The following FEZ1 variants were observed in gnomAD, a reference collection of about 807,000 sequenced individuals.
FEZ1 encodes the protein fasciculation and elongation protein zeta 1, also known as fasciculation and elongation protein zeta-1.
A neutral mutation model predicts 49.3 loss-of-function variants in FEZ1; 20 were observed. The observed-to-expected ratio is 0.41, with a 90% confidence interval of 0.29 to 0.59. The LOEUF is 0.59. Ranked by LOEUF, FEZ1 falls within the 20% of genes least tolerant of loss-of-function variation. The pLI is 0.36. For missense variants in FEZ1, 413 were observed against 476.0 expected, an observed-to-expected ratio of 0.87 and a Z score of 1.23; for synonymous variants, 170 against 180.9, an observed-to-expected ratio of 0.94 and a Z score of 0.48.
At position 125,489,452 on chromosome 11, in the gene FEZ1, A is replaced by G. The variant is rs776144482; in HGVS notation, c.311+15T>C. On this transcript the variant is annotated intron_variant, in intron 2 of 9. Coordinates refer to ENST00000278919, the MANE Select transcript of FEZ1 (RefSeq NM_005103.5). The surrounding 1 kb of genome is among the most constrained non-coding windows in gnomAD (Gnocchi z 4.2). ...CTCTCGACTGAAGCAGGAGAGGGCA[A>G]TTAAGACTTCTTACTCCTCGTCCTG... The G allele has an allele frequency of 3.1e-5, 50 of 1,602,104 alleles. No individual in the cohort carries two copies. Among genetic ancestry groups the G allele is most frequent in the Non-Finnish European group, 3.9e-5 (46 of 1,174,772 alleles).
Position 125,444,796 on chromosome 11 carries a change from C to T in FEZ1, c.*1299G>A. ...AACCTAAATGCCAGCCTGACTCTAC[C>T]ACTTCCTACACAGCCTTGGGCGAGC... On this transcript the variant is annotated 3_prime_UTR_variant, in exon 10 of 10. Transcript: ENST00000278919. Among the ~76,000 whole-genome samples the T allele has an allele frequency of 6.6e-6, 1 of 152,186 alleles. No homozygotes were observed. The highest frequency in any genetic ancestry group is 1.9e-4 in the East Asian group (1 of 5,192).
At chr11:125,464,535 C>A (rs1433786828) in intron 3 of FEZ1, among the ~76,000 whole-genome samples, 1 of 152,190 alleles carries the variant, frequency 6.6e-6, no homozygotes, top group Non-Finnish European at 1.5e-5. Context: ...CGATTGGCCC[C>A]TTCCCTGGGG....
intron 3 of FEZ1, 109 bp downstream of exon 3, chr11:125,481,425 G>T: frequency 1.3e-6 from 1 of 788,380 alleles, no homozygotes; most frequent in Admixed American, 1.7e-5. Context: ...GAGATTACAG[G>T]CATGAGCCTC....
intron 4 of FEZ1, among the ~76,000 whole-genome samples, chr11:125,462,856 T>C (rs940167363): frequency 2.6e-5 from 4 of 151,692 alleles, no homozygotes; most frequent in Non-Finnish European, 4.4e-5. Context: ...GAAAATTAGC[T>C]GGGCATAGTG....
intron 2 of FEZ1, among the ~76,000 whole-genome samples, chr11:125,482,285 T>TC (rs1957288685): frequency 6.6e-6 from 1 of 152,188 alleles, no homozygotes; most frequent in South Asian, 2.1e-4. Context: ...GATCCTGCCC[T>TC]CTAACAATGT....
Position 125,496,181 on chromosome 11 carries a change from G to A in FEZ1, c.-106C>T, listed in dbSNP as rs1049084016. The stretch of plus-strand genomic sequence containing the variant: ...GGCTCAGCCGGACACCCCCATCCAC[G>A]GGCCGCGGGAGCGGCCGGAGCGCAG... On this transcript the variant is annotated 5_prime_UTR_variant, in exon 1 of 10. Transcript: ENST00000278919. The A allele has an allele frequency of 6.6e-6, 1 of 152,338 alleles. No homozygotes were observed. Among genetic ancestry groups the A allele is most frequent in the Non-Finnish European group, 1.5e-5 (1 of 68,260 alleles). 9.4% of individuals were successfully genotyped at this position (152,338 alleles called of 1,614,324 possible). A position where few individuals can be genotyped will look rare whatever the true frequency, so the allele number is the denominator to read the frequency against.
intron 1 of FEZ1, among the ~76,000 whole-genome samples, chr11:125,491,556 T>C (rs1405019713): frequency 6.6e-6 from 1 of 152,150 alleles, no homozygotes; most frequent in Admixed American, 6.6e-5. Flanking sequence ...CTACCAAGCT[T>C]TTCTCTTCGG....
intron 2 of FEZ1, among the ~76,000 whole-genome samples, chr11:125,488,107 G>T (rs1166640802): frequency 6.6e-6 from 1 of 152,126 alleles, no homozygotes; most frequent in African/African-American, 2.4e-5. Flanking sequence ...GTAGACAGTA[G>T]TCCCCCCTTA....
At chr11:125,467,133 G>A (rs769968647) in intron 3 of FEZ1, among the ~76,000 whole-genome samples, 20 of 151,364 alleles carry the variant, frequency 1.3e-4, no homozygotes, top group Admixed American at 8.6e-4. Context: ...TCCTTTGCTC[G>A]AGTGATCCTC....
In FEZ1 at chr11:125,455,821, G is replaced by T. The variant is rs1264845255; in HGVS notation, c.939+14C>A. The stretch of plus-strand genomic sequence containing the variant: ...GTTGGAGGCACCCAGTCTTCCACCT[G>T]GTTGTTCACCTACCTTGAGAGGCAT... On this transcript the variant is annotated intron_variant, in intron 6 of 9. Coordinates refer to ENST00000278919, the MANE Select transcript of FEZ1 (RefSeq NM_005103.5). 1 of 1,613,760 alleles carries T rather than the reference G, an allele frequency of 6.2e-7. No individual in the cohort carries two copies. The highest frequency in any genetic ancestry group is 8.5e-7 in the Non-Finnish European group (1 of 1,179,834).
At chr11:125,491,087 T>C (rs111538766) in intron 1 of FEZ1, among the ~76,000 whole-genome samples, 1,970 of 152,186 alleles carry the variant, frequency 0.013, 46 homozygotes, top group African/African-American at 0.043. Flanking sequence ...ATAGAGCATA[T>C]GCCTAGGAGC....
chr11:125,480,781 T>C (rs1366280812), intron 3 of FEZ1, among the ~76,000 whole-genome samples: 1 of 152,196 alleles, frequency 6.6e-6, no homozygotes, highest in Non-Finnish European at 1.5e-5. Flanking sequence ...GGCTCACGCC[T>C]GTAATCCCAG....
chr11:125,454,213 G>A lies in FEZ1; in HGVS notation c.940-3C>T, dbSNP rs1209325517. The A allele has an allele frequency of 6.2e-7, 1 of 1,612,506 alleles. No homozygotes were observed. On this transcript the variant is annotated splice_region_variant and splice_polypyrimidine_tract_variant and intron_variant, in intron 6 of 9. Coordinates refer to ENST00000278919, the MANE Select transcript of FEZ1 (RefSeq NM_005103.5). ...GAGATGCCTTCCATGCTGAAGCGCT[G>A]TGGGGGAGAGAGACTCAAGAAGGGC... is the stretch of plus-strand genomic sequence containing the variant.
At chr11:125,460,841 A>T (rs1957067954) in intron 4 of FEZ1, among the ~76,000 whole-genome samples, 175 bp from the exon 5 acceptor site, 1 of 152,124 alleles carries the variant, frequency 6.6e-6, no homozygotes, top group African/African-American at 2.4e-5. Context: ...GCTTGCATAC[A>T]CTCTTTCTTT....
At position 125,444,430 on chromosome 11, in the gene FEZ1, A is replaced by G. The variant is rs995227899; in HGVS notation, c.*1665T>C. Among the ~76,000 whole-genome samples the G allele has an allele frequency of 7.2e-5, 11 of 152,186 alleles. No homozygotes were observed. Among genetic ancestry groups the G allele is most frequent in the African/African-American group, 2.7e-4 (11 of 41,444 alleles). On this transcript the variant is annotated 3_prime_UTR_variant, in exon 10 of 10. Coordinates refer to ENST00000278919, the MANE Select transcript of FEZ1 (RefSeq NM_005103.5). ...TAGAAACCTGGTCTCTACTAAAAAT[A>G]TAAAATTAGCTGGGTGTGGTGCTGC...
rs1957357205 is a variant in FEZ1, at chr11:125,489,218, G to A, written c.311+249C>T. The stretch of plus-strand genomic sequence containing the variant: ...AGACCCTGAAATTTACTGTGCTCCT[G>A]AAATTCCATTTTGTATCTAGGAAAA... On this transcript the variant is annotated intron_variant, in intron 2 of 9. Coordinates refer to ENST00000278919, the MANE Select transcript of FEZ1 (RefSeq NM_005103.5). The surrounding 1 kb of genome is among the most constrained non-coding windows in gnomAD (Gnocchi z 4.2). 8.7e-7 allele frequency: 1 copy of A among 1,152,392 alleles called. No homozygotes were observed. Among genetic ancestry groups the A allele is most frequent in the African/African-American group, 1.6e-5 (1 of 62,670 alleles). The allele number at this position is 1,152,392 out of a possible 1,614,324, so 71.4% of individuals were successfully genotyped here.
At chr11:125,469,249 T>C (rs1353268821) in intron 3 of FEZ1, 1 of 152,358 alleles carries the variant, frequency 6.6e-6, no homozygotes, top group Non-Finnish European at 1.5e-5. Flanking sequence ...CCTGACCCCA[T>C]AGCCTTCTAG....
intron 2 of FEZ1, among the ~76,000 whole-genome samples, chr11:125,485,022 G>A (rs1262058090): frequency 2.0e-5 from 3 of 152,284 alleles, no homozygotes; most frequent in Middle Eastern, 3.4e-3. Context: ...GTGAGTACCC[G>A]GAGGTGGACT....
At chr11:125,477,677 A>G (rs550100546) in intron 3 of FEZ1, among the ~76,000 whole-genome samples, 38 of 152,288 alleles carry the variant, frequency 2.5e-4, no homozygotes, top group African/African-American at 8.7e-4. Flanking sequence ...ACTAAGGACC[A>G]TCCCTAGTGT....
Sources: allele counts gnomAD v4.1 joint callset (sites outside exome capture counted in the v4.1 genomes callset), GRCh38; gene constraint gnomAD v4.1.1; non-coding constraint Gnocchi (gnomAD v3.1); transcripts MANE v1.5; gene names NCBI Gene and HGNC (gene_info 2026-07-23, HGNC 2026-07-21).